Variants in CYTH3 observed in about 807,000 individuals in gnomAD.
CYTH3 encodes cytohesin-3.
CYTH3 carries 23 observed loss-of-function variants against 55.1 expected under a neutral mutation model. The observed-to-expected ratio is 0.42, with a 90% CI of 0.30 to 0.59. The LOEUF is 0.59. CYTH3 is among the 20% of genes least tolerant of loss of function. CYTH3 has a pLI of 0.20. For synonymous variants in CYTH3, 249 were observed against 194.9 expected, an observed-to-expected ratio of 1.28 and a Z score of -2.31; for missense variants, 413 against 524.8, an observed-to-expected ratio of 0.79 and a Z score of 2.08.
rs139003726 is a variant in CYTH3, at chr7:6,176,961, T to C, written c.368+862A>G. On this transcript the variant is annotated intron_variant, in intron 5 of 12. Coordinates refer to ENST00000350796, the MANE Select transcript of CYTH3 (RefSeq NM_004227.4). ...TTCTGTCAAATGCTTTTCCTGTATT[T>C]GTTGAGAAGATCATGTGGGTTTTGT... is the stretch of plus-strand genomic sequence containing the variant. Among the ~76,000 whole-genome samples, 101 of 152,396 alleles carry C rather than the reference T, an allele frequency of 6.6e-4. 1 individual carries two copies. Among genetic ancestry groups the C allele is most frequent in the African/African-American group, 2.4e-3 (99 of 41,598 alleles).
intron 4 of CYTH3, among the ~76,000 whole-genome samples, chr7:6,180,221 G>C (rs1382028832): frequency 1.3e-5 from 2 of 152,214 alleles, no homozygotes; most frequent in African/African-American, 4.8e-5. Flanking sequence ...GTCAGCTGAA[G>C]CCCAGGGAAC....
chr7:6,177,728 T>C, intron 5 of CYTH3, 95 bp downstream of exon 5: 1 of 975,062 alleles, frequency 1.0e-6, no homozygotes, highest in South Asian at 1.4e-5. Context: ...ATCATGCCTT[T>C]AGGCTGTGAT....
At chr7:6,190,359 TTTACA>T in intron 2 of CYTH3, 85 bp downstream of exon 2, 1 of 970,532 alleles carries the variant, frequency 1.0e-6, no homozygotes, top group South Asian at 2.0e-5. Context: ...TTTTTTTTTT[TTTACA>T]TTTTTGTGAG....
intron 4 of CYTH3, among the ~76,000 whole-genome samples, chr7:6,185,967 A>G (rs1783634904): frequency 1.3e-5 from 2 of 151,762 alleles, no homozygotes; most frequent in Non-Finnish European, 1.5e-5. Flanking sequence ...CGACTGGGCC[A>G]GGCACGGTGG....
rs1562417529 is a variant in CYTH3, at chr7:6,259,773, TA to T, written c.34+12700del. 8.5e-3 allele frequency among the ~76,000 whole-genome samples: 189 copies of T among 22,290 alleles called. 8 individuals carry two copies. Among genetic ancestry groups the T allele is most frequent in the Admixed American group, 0.011 (13 of 1,132 alleles). 14.6% of individuals were successfully genotyped at this position (22,290 alleles called of 152,430 possible). ...ATATATATATTATATATATATATATTATATATATATAATATATATATATATA... is the reference window on the plus strand; with the variant it reads ...ATATATATATTATATATATATATATTTATATATATAATATATATATATATA... On this transcript the variant is annotated intron_variant, in intron 1 of 12. Coordinates refer to ENST00000350796, the MANE Select transcript of CYTH3 (RefSeq NM_004227.4).
chr7:6,259,696 T>C (rs1302460605), intron 1 of CYTH3, among the ~76,000 whole-genome samples: 2 of 123,416 alleles, frequency 1.6e-5, no homozygotes, highest in Admixed American at 1.8e-4. Flanking sequence ...ATTTAAATGA[T>C]TTACTATTTT....
chr7:6,164,733 G>C lies in CYTH3; in HGVS notation c.*211C>G. Reference sequence around the variant, plus strand: ...TCAGTCTGGGCCACGGTACGCTCTGGAGCAGCAGCTTGCACTGCAGGGCGA... The same window carrying C: ...TCAGTCTGGGCCACGGTACGCTCTGCAGCAGCAGCTTGCACTGCAGGGCGA... On this transcript the variant is annotated 3_prime_UTR_variant, in exon 13 of 13. Coordinates refer to ENST00000350796, the MANE Select transcript of CYTH3 (RefSeq NM_004227.4). 1 of 652,574 alleles carries C rather than the reference G, an allele frequency of 1.5e-6. No individual in the cohort carries two copies. Among genetic ancestry groups the C allele is most frequent in the Admixed American group, 2.5e-5 (1 of 39,584 alleles). The allele number at this position is 652,574 out of a possible 1,614,324, so 40.4% of individuals were successfully genotyped here. A position where few individuals can be genotyped will look rare whatever the true frequency, so the allele number is the denominator to read the frequency against.
intron 1 of CYTH3, among the ~76,000 whole-genome samples, chr7:6,198,855 C>T (rs953424008): frequency 6.6e-6 from 1 of 151,950 alleles, no homozygotes; most frequent in East Asian, 1.9e-4. Flanking sequence ...GCACCCACCA[C>T]GAGCTTCCCT....
At chr7:6,257,096 T>C (rs1213105970) in intron 1 of CYTH3, among the ~76,000 whole-genome samples, 3 of 152,192 alleles carry the variant, frequency 2.0e-5, no homozygotes, top group Non-Finnish European at 4.4e-5. Flanking sequence ...AGAAGACTTA[T>C]CCAACGTGAA....
At chr7:6,219,341 T>C (rs548090790) in intron 1 of CYTH3, among the ~76,000 whole-genome samples, 1 of 152,288 alleles carries the variant, frequency 6.6e-6, no homozygotes, top group Non-Finnish European at 1.5e-5. Context: ...TATAGTAAAA[T>C]GCAGAAGAGA....
chr7:6,227,987 G>T (rs186967299), intron 1 of CYTH3, among the ~76,000 whole-genome samples: 2 of 152,238 alleles, frequency 1.3e-5, no homozygotes, highest in East Asian at 3.9e-4. Context: ...CAACAACAAC[G>T]AGATAATTGC....
At chr7:6,239,570 G>T (rs1277311514) in intron 1 of CYTH3, among the ~76,000 whole-genome samples, 1 of 152,098 alleles carries the variant, frequency 6.6e-6, no homozygotes, top group Admixed American at 6.6e-5. Flanking sequence ...GAAAAGAGGA[G>T]ATAAAACCAT....
intron 9 of CYTH3, among the ~76,000 whole-genome samples, chr7:6,168,596 CACTGAG>C (rs959250383): frequency 9.2e-5 from 14 of 152,200 alleles, no homozygotes; most frequent in African/African-American, 3.4e-4. Context: ...CCGCCCACCA[CACTGAG>C]GCCACGCCAG....
At chr7:6,227,351 A>T (rs569089744) in intron 1 of CYTH3, among the ~76,000 whole-genome samples, 3 of 141,426 alleles carry the variant, frequency 2.1e-5, no homozygotes, top group East Asian at 2.0e-4. Context: ...CAAATGGTTT[A>T]AAAAAAAAAG....
intron 1 of CYTH3, among the ~76,000 whole-genome samples, chr7:6,225,115 G>A (rs191699760): frequency 6.6e-6 from 1 of 152,218 alleles, no homozygotes; most frequent in East Asian, 1.9e-4. Context: ...ATCAGGTGAT[G>A]GCTGTAATTC....
chr7:6,170,575 G>A lies in CYTH3; in HGVS notation c.783C>T (p.Thr261=), dbSNP rs772406814. 1.2e-6 allele frequency: 2 copies of A among 1,614,016 alleles called. No homozygotes were observed. The highest frequency in any genetic ancestry group is 2.2e-5 in the East Asian group (1 of 44,874). ...PEDDGNDLTH[T]FFNPDREGWL... ...AGCCCTCGCGGTCGGGGTTGAAGAA[G>A]GTGTGGGTCAGGTCGTTCCCGTCGT... is the stretch of plus-strand genomic sequence containing the variant. The change falls in exon 9 of 13, where the codon ACC becomes ACT. Residue 261 remains threonine (T), a synonymous_variant. Coordinates refer to ENST00000350796, the MANE Select transcript of CYTH3 (RefSeq NM_004227.4). This position sits in a 1 kb window ranked among gnomAD's most constrained non-coding sequence, Gnocchi z 7.8.
chr7:6,232,185 T>C (rs1312248558), intron 1 of CYTH3, among the ~76,000 whole-genome samples: 1 of 152,090 alleles, frequency 6.6e-6, no homozygotes, highest in Non-Finnish European at 1.5e-5. Flanking sequence ...ATTCCAGACA[T>C]ATGCACAATT....
At position 6,170,319 on chromosome 7, in the gene CYTH3, G is replaced by A. The variant is rs1039744362; in HGVS notation, c.823+216C>T. On this transcript the variant is annotated intron_variant, in intron 9 of 12. Transcript: ENST00000350796. The surrounding 1 kb of genome is among the most constrained non-coding windows in gnomAD (Gnocchi z 7.8). ...CTGGGACGGGCCGTGCAGCCTGGGC[G>A]CTACTCTCTGCCGCGGGCATGGCTC... 2 of 568,978 alleles carry A rather than the reference G, an allele frequency of 3.5e-6. No homozygotes were observed. Among genetic ancestry groups the A allele is most frequent in the Non-Finnish European group, 6.2e-6 (2 of 322,284 alleles). 35.2% of individuals were successfully genotyped at this position (568,978 alleles called of 1,614,324 possible).
rs1562876400 is a variant in CYTH3 at position 6,171,205 on chromosome 7, T to C, written c.559A>G (p.Thr187Ala). Residue 187 changes from threonine (T) to alanine (A), a missense_variant, in exon 7 of 13, where the codon ACA (threonine) becomes GCA (alanine). Physicochemically the swap from Thr to Ala is moderately conservative, Grantham distance 58. Transcript: ENST00000350796. This position sits in a 1 kb window ranked among gnomAD's most constrained non-coding sequence, Gnocchi z 6.7. ...CLCNPGVFQS[T>A]DTCYVLSFAI... Reference sequence around the variant, plus strand: ...AGGCTGTGGGCTCTGCACTGACCTGTGGACTGGAAGACCCCGGGGTTGCAC... The same window carrying C: ...AGGCTGTGGGCTCTGCACTGACCTGCGGACTGGAAGACCCCGGGGTTGCAC... The C allele has an allele frequency of 1.2e-6, 2 of 1,614,124 alleles. No homozygotes were observed. Among genetic ancestry groups the C allele is most frequent in the African/African-American group, 1.3e-5 (1 of 75,054 alleles).
Sources: allele counts gnomAD v4.1 joint callset (sites outside exome capture counted in the v4.1 genomes callset), GRCh38; gene constraint gnomAD v4.1.1; non-coding constraint Gnocchi (gnomAD v3.1); transcripts MANE v1.5; gene names NCBI Gene and HGNC (gene_info 2026-07-23, HGNC 2026-07-21).